Variants in PPP2R2C observed in about 807,000 individuals in gnomAD.
PPP2R2C encodes the protein protein phosphatase 2 regulatory subunit Bgamma.
A neutral mutation model predicts 45.3 loss-of-function variants in PPP2R2C; 10 were observed. The ratio of observed to expected loss-of-function variants is 0.22; its 90% CI spans 0.14 to 0.37. The LOEUF (loss-of-function observed/expected upper bound fraction) is 0.37. Among genes scored for constraint, PPP2R2C ranks in the 10% least tolerant of loss-of-function variants. The probability of loss-of-function intolerance (pLI) is 1.00; values close to 1 mark genes in which losing one functional copy is unlikely to be tolerated. For missense variants in PPP2R2C, 308 were observed against 619.7 expected, an observed-to-expected ratio of 0.50 and a Z score of 5.34; for synonymous variants, 257 against 245.4, an observed-to-expected ratio of 1.05 and a Z score of -0.44.
chr4:6,536,893 G>A (rs904941010), intron 1 of PPP2R2C, among the ~76,000 whole-genome samples: 1 of 152,184 alleles, frequency 6.6e-6, no homozygotes, highest in Non-Finnish European at 1.5e-5. Flanking sequence ...GCATTTCTAT[G>A]TGTGTGTGCC....
intron 1 of PPP2R2C, among the ~76,000 whole-genome samples, chr4:6,543,050 G>A (rs1363321993): frequency 6.6e-6 from 1 of 152,158 alleles, no homozygotes; most frequent in African/African-American, 2.4e-5. Flanking sequence ...CCACCCAGAC[G>A]CCCCGCAAGG....
upstream of PPP2R2C, among the ~76,000 whole-genome samples, chr4:6,473,792 G>A (rs559578342): frequency 1.2e-4 from 18 of 152,346 alleles, no homozygotes; most frequent in South Asian, 2.1e-3. Flanking sequence ...AGGTGATGCC[G>A]TCTCAGATTT....
intron 6 of PPP2R2C, among the ~76,000 whole-genome samples, chr4:6,343,329 C>T (rs1009450548): frequency 5.9e-5 from 9 of 151,886 alleles, no homozygotes; most frequent in Admixed American, 1.3e-4. Context: ...TTTGCTGGCA[C>T]GAAAGAGAAA....
At chr4:6,466,337 A>G (rs1228398136) in intron 1 of PPP2R2C, among the ~76,000 whole-genome samples, 1 of 152,252 alleles carries the variant, frequency 6.6e-6, no homozygotes, top group African/African-American at 2.4e-5. Context: ...ATTTCAAGAT[A>G]GTAACAGCAG....
At chr4:6,459,709 C>A (rs1029854255) in intron 1 of PPP2R2C, among the ~76,000 whole-genome samples, 6 of 152,130 alleles carry the variant, frequency 3.9e-5, no homozygotes, top group African/African-American at 9.7e-5. Flanking sequence ...ATTGCTTGAG[C>A]CTGGGAGGCA....
intron 1 of PPP2R2C, among the ~76,000 whole-genome samples, chr4:6,435,962 G>C (rs191733237): frequency 2.0e-5 from 3 of 152,270 alleles, no homozygotes; most frequent in Non-Finnish European, 4.4e-5. Flanking sequence ...CAATGTGATG[G>C]TCTTAGGAAG....
intron 4 of PPP2R2C, among the ~76,000 whole-genome samples, chr4:6,373,341 G>C (rs938285550): frequency 3.3e-5 from 5 of 152,196 alleles, no homozygotes; most frequent in Admixed American, 3.3e-4. Flanking sequence ...TGGACTGCTG[G>C]TGTTGTTTTG....
rs2109274335 is a variant in PPP2R2C, at chr4:6,364,608, T to C, written c.625+7915A>G. 6.6e-6 allele frequency among the ~76,000 whole-genome samples: 1 copy of C among 152,194 alleles called. No homozygotes were observed. Among genetic ancestry groups the C allele is most frequent in the African/African-American group, 2.4e-5 (1 of 41,518 alleles). ...CACTGCCCTAAAGGCTTCCCAGATG[T>C]CATCGTAGCACCCAGTCCTCAAGCA... On this transcript the variant is annotated intron_variant, in intron 5 of 8. Transcript: ENST00000382599. The surrounding 1 kb of genome is among the most constrained non-coding windows in gnomAD (Gnocchi z 5.3).
At chr4:6,468,072 T>C (rs4263452) in intron 1 of PPP2R2C, among the ~76,000 whole-genome samples, 263 of 152,296 alleles carry the variant, frequency 1.7e-3, no homozygotes, top group African/African-American at 6.1e-3. Context: ...CTAGGAACCA[T>C]ATGTGTTCTC....
At chr4:6,513,277 A>T (rs1723726957) in intron 2 of PPP2R2C, among the ~76,000 whole-genome samples, 1 of 152,212 alleles carries the variant, frequency 6.6e-6, no homozygotes, top group Non-Finnish European at 1.5e-5. Flanking sequence ...CATCCAGTTT[A>T]ACAAATAGGC....
At chr4:6,452,938 A>T (rs1267729802) in intron 1 of PPP2R2C, among the ~76,000 whole-genome samples, 1 of 151,990 alleles carries the variant, frequency 6.6e-6, no homozygotes, top group Non-Finnish European at 1.5e-5. Context: ...ACCATGCCTG[A>T]CTCCAGCTCC....
intron 6 of PPP2R2C, among the ~76,000 whole-genome samples, chr4:6,342,215 T>C (rs972835733): frequency 2.6e-5 from 4 of 151,000 alleles, no homozygotes; most frequent in African/African-American, 9.7e-5. Context: ...CATCAGTCTC[T>C]TCAAATGTTC....
intron 1 of PPP2R2C, among the ~76,000 whole-genome samples, chr4:6,404,830 G>C (rs78510331): frequency 0.01 from 1,527 of 152,342 alleles, 19 homozygotes; most frequent in African/African-American, 0.034. Flanking sequence ...GGGCAGAGCA[G>C]GCGAGGGGGC....
intron 2 of PPP2R2C, among the ~76,000 whole-genome samples, chr4:6,533,719 C>T (rs1303576033): frequency 1.3e-5 from 2 of 152,102 alleles, no homozygotes; most frequent in Non-Finnish European, 2.9e-5. Context: ...CCCAAGATGG[C>T]AGCACGTTAT....
At chr4:6,418,937 C>T (rs2109388070) in intron 1 of PPP2R2C, among the ~76,000 whole-genome samples, 1 of 152,280 alleles carries the variant, frequency 6.6e-6, no homozygotes, top group African/African-American at 2.4e-5. Context: ...GAGGCGGGCA[C>T]CAGCCCAGTG....
chr4:6,379,424 A>T (rs1715606426), intron 2 of PPP2R2C, among the ~76,000 whole-genome samples: 1 of 152,194 alleles, frequency 6.6e-6, no homozygotes, highest in South Asian at 2.1e-4. Context: ...TTAAGTATCT[A>T]TATTTCTATC....
chr4:6,383,056 C>G (rs1715968430), intron 1 of PPP2R2C: 1 of 1,092,756 alleles, frequency 9.2e-7, no homozygotes, highest in Admixed American at 4.9e-5. Flanking sequence ...TGATTCTGGG[C>G]TTGTCCCTGT....
intron 1 of PPP2R2C, among the ~76,000 whole-genome samples, chr4:6,454,495 C>A (rs1356817272): frequency 6.6e-6 from 1 of 152,110 alleles, no homozygotes; most frequent in African/African-American, 2.4e-5. Context: ...AGAGGGGAGC[C>A]CCGCCTTCCA....
chr4:6,496,839 C>T (rs893563260), intron 2 of PPP2R2C, among the ~76,000 whole-genome samples: 1 of 147,262 alleles, frequency 6.8e-6, no homozygotes. Context: ...CCAGCCTGGG[C>T]AACAAGAGCA....
Sources: gnomAD v4.1 joint callset for allele counts (sites outside exome capture counted in the v4.1 genomes callset) on GRCh38, gnomAD v4.1.1 for gene constraint, Gnocchi (gnomAD v3.1) non-coding constraint, MANE v1.5 for transcripts, NCBI Gene and HGNC (gene_info 2026-07-23, HGNC 2026-07-21) for gene names.